The following STK11 variants were observed in gnomAD, a reference collection of about 807,000 sequenced individuals.
The protein encoded by STK11 is serine/threonine-protein kinase STK11.
STK11 carries 8 observed loss-of-function variants against 47.3 expected under a neutral mutation model. The observed-to-expected ratio is 0.17, with a 90% CI of 0.10 to 0.31. The LOEUF is 0.31. Ranked by LOEUF, STK11 falls within the 10% of genes least tolerant of loss-of-function variation. STK11 has a pLI of 1.00. For missense variants in STK11, 475 were observed against 605.0 expected, an observed-to-expected ratio of 0.79 and a Z score of 2.25; for synonymous variants, 330 against 255.8, an observed-to-expected ratio of 1.29 and a Z score of -2.77.
intron 8 of STK11, chr19:1,223,793 C>A: frequency 1.9e-6 from 2 of 1,035,522 alleles, no homozygotes; most frequent in Non-Finnish European, 2.3e-6. Context: ...CCCACATTGG[C>A]AGCCAGCCCC....
At chr19:1,221,407 G>T in intron 6 of STK11, 67 bp downstream of exon 6, 1 of 1,501,704 alleles carries the variant, frequency 6.7e-7, no homozygotes, top group Non-Finnish European at 8.9e-7. Context: ...ATGTAGGGTT[G>T]GGGGTGTCAG....
chr19:1,219,447 G>GGGGCCGA (rs1190657572), intron 3 of STK11, 34 bp downstream of exon 3: 2 of 1,543,822 alleles, frequency 1.3e-6, no homozygotes, highest in East Asian at 4.9e-5. Context: ...GGGTGGGGCG[G>GGGGCCGA]GGGCCGGGGG....
rs1020593333 is a variant in STK11, at chr19:1,227,829, C to T, written c.*253C>T. 2 of 1,071,346 alleles carry T rather than the reference C, an allele frequency of 1.9e-6. No individual in the cohort carries two copies. The highest frequency in any genetic ancestry group is 2.3e-6 in the Non-Finnish European group (2 of 883,076). The allele number at this position is 1,071,346 out of a possible 1,614,324, so 66.4% of individuals were successfully genotyped here. ...TTCGCAGCCCCGGGCGGAGCCTTCC[C>T]GGGCGGGCGTGGGAGGAGGGAGGCG... is the stretch of plus-strand genomic sequence containing the variant. On this transcript the variant is annotated 3_prime_UTR_variant, in exon 10 of 10. Coordinates refer to ENST00000326873, the MANE Select transcript of STK11 (RefSeq NM_000455.5).
At chr19:1,213,507 G>A (rs369042688) in intron 1 of STK11, among the ~76,000 whole-genome samples, 8 of 152,290 alleles carry the variant, frequency 5.3e-5, no homozygotes, top group East Asian at 1.9e-4. Context: ...CATTTCACAC[G>A]AGTGGTGTCA....
chr19:1,220,215 C>T, intron 3 of STK11, 158 bp from the exon 4 acceptor site: 1 of 1,000,252 alleles, frequency 1.0e-6, no homozygotes, highest in Non-Finnish European at 1.4e-6. Context: ...GGTGTGGCTC[C>T]CTGCTGGACC....
chr19:1,220,203 C>T, intron 3 of STK11, 170 bp from the exon 4 acceptor site: 2 of 859,450 alleles, frequency 2.3e-6, no homozygotes, highest in South Asian at 4.0e-5. Flanking sequence ...ACTGCAGGCG[C>T]AGGTGTGGCT....
intron 6 of STK11, 138 bp downstream of exon 6, chr19:1,221,478 A>C: frequency 2.2e-6 from 3 of 1,336,820 alleles, no homozygotes; most frequent in Non-Finnish European, 3.0e-6. Context: ...GGAGAGGCCG[A>C]CCTCCCCGCA....
chr19:1,212,596 C>T (rs1379489681), intron 1 of STK11, among the ~76,000 whole-genome samples: 10 of 152,222 alleles, frequency 6.6e-5, no homozygotes, highest in East Asian at 1.9e-4. Flanking sequence ...GACGGAGTCT[C>T]GCTCTGTCCC....
At chr19:1,213,933 G>C (rs2080728418) in intron 1 of STK11, among the ~76,000 whole-genome samples, 1 of 152,206 alleles carries the variant, frequency 6.6e-6, no homozygotes, top group Non-Finnish European at 1.5e-5. Context: ...CTAGGCAGAC[G>C]GAGGCTCCTA....
At chr19:1,226,763 C>T (rs960416914) in intron 9 of STK11, 100 bp downstream of exon 9, 4 of 1,351,586 alleles carry the variant, frequency 3.0e-6, no homozygotes, top group Admixed American at 3.0e-5. Context: ...TGGTGACCGT[C>T]ACGTGGCTGC....
chr19:1,224,441 C>T (rs2080807248), intron 8 of STK11: 2 of 985,294 alleles, frequency 2.0e-6, no homozygotes, highest in Non-Finnish European at 2.4e-6. Flanking sequence ...TGCAATTTGA[C>T]CCCAGGCCCA....
chr19:1,221,790 G>T (rs2080786202), intron 6 of STK11, 159 bp from the exon 7 acceptor site: 1 of 752,392 alleles, frequency 1.3e-6, no homozygotes, highest in South Asian at 1.7e-5. Context: ...CCCAGGAGTG[G>T]AGTGGCCTCT....
At chr19:1,226,731 C>T in intron 9 of STK11, 68 bp downstream of exon 9, 1 of 1,426,964 alleles carries the variant, frequency 7.0e-7, no homozygotes, top group Non-Finnish European at 9.2e-7. Flanking sequence ...CAGCCGTGAG[C>T]ATAGCCCGCG....
intron 2 of STK11, among the ~76,000 whole-genome samples, 169 bp downstream of exon 2, chr19:1,218,669 G>C (rs537526935): frequency 2.0e-5 from 3 of 152,118 alleles, no homozygotes; most frequent in African/African-American, 7.2e-5. Flanking sequence ...CAATGGCTGC[G>C]CAGCTTGCTG....
intron 8 of STK11, chr19:1,225,125 TGTGGG>T (rs1206430359): frequency 1.0e-6 from 1 of 985,140 alleles, no homozygotes; most frequent in Non-Finnish European, 1.2e-6. Flanking sequence ...CAGACAGGAG[TGTGGG>T]GTGGGGCAAG....
Position 1,220,415 on chromosome 19 carries a change from C to T in STK11, c.507C>T (p.Ser169=), listed in dbSNP as rs1555738210. ...TTGACGGCCTGGAGTACCTGCATAG[C>T]CAGGGCATTGTGCACAAGGACATCA... The part of the protein sequence containing the change: ...QLIDGLEYLH[S]QGIVHKDIKP... The change falls in exon 4 of 10, where the codon AGC becomes AGT. Residue 169 remains serine, a synonymous_variant. Transcript: ENST00000326873. 1 of 1,605,270 alleles carries T rather than the reference C, an allele frequency of 6.2e-7. No homozygotes were observed. Among genetic ancestry groups the T allele is most frequent in the Non-Finnish European group, 8.5e-7 (1 of 1,176,428 alleles).
rs1366670442 is a variant in STK11 at position 1,227,852 on chromosome 19, G to T, written c.*276G>T. The T allele has an allele frequency of 6.5e-6, 7 of 1,070,158 alleles. No homozygotes were observed. The highest frequency in any genetic ancestry group is 4.8e-5 in the East Asian group (1 of 20,754). The allele number at this position is 1,070,158 out of a possible 1,614,324, so 66.3% of individuals were successfully genotyped here. On this transcript the variant is annotated 3_prime_UTR_variant, in exon 10 of 10. Coordinates refer to ENST00000326873, the MANE Select transcript of STK11 (RefSeq NM_000455.5). ...CCCGGGCGGGCGTGGGAGGAGGGAG[G>T]CGGCCTCCATGCACTTTATGTGGAG...
intron 6 of STK11, 40 bp from the exon 7 acceptor site, chr19:1,221,909 C>T: frequency 6.5e-7 from 1 of 1,549,668 alleles, no homozygotes; most frequent in Non-Finnish European, 8.7e-7. Flanking sequence ...GGTCTCAGGC[C>T]TGTGCCCAGC....
At chr19:1,219,437 G>A (rs1192929296) in intron 3 of STK11, 24 bp downstream of exon 3, 5 of 1,544,962 alleles carry the variant, frequency 3.2e-6, no homozygotes, top group South Asian at 1.2e-5. Context: ...GCAGGGGCCA[G>A]GGTGGGGCGG....
Sources: gnomAD v4.1 joint callset for allele counts (sites outside exome capture counted in the v4.1 genomes callset) on GRCh38, gnomAD v4.1.1 for gene constraint, MANE v1.5 for transcripts, NCBI Gene and HGNC (gene_info 2026-07-23, HGNC 2026-07-21) for gene names.